PEAK1: variants seen among roughly 807,000 people sequenced by gnomAD.
The protein encoded by PEAK1 is pseudopodium enriched atypical kinase 1.
A neutral mutation model predicts 124.7 loss-of-function variants in PEAK1; 54 were observed. The ratio of observed to expected loss-of-function variants is 0.43; its 90% CI spans 0.35 to 0.54. PEAK1 has a LOEUF of 0.54. PEAK1 is among the 20% of genes least tolerant of loss of function. The pLI, the probability that PEAK1 is intolerant of heterozygous loss-of-function variation, is 0.01. For missense variants in PEAK1, 2,046 were observed against 2,134.5 expected, an observed-to-expected ratio of 0.96 and a Z score of 0.82; for synonymous variants, 719 against 760.0, an observed-to-expected ratio of 0.95 and a Z score of 0.89.
chr15:77,248,895 G>C (rs909297302), intron 6 of PEAK1, among the ~76,000 whole-genome samples: 10 of 152,210 alleles, frequency 6.6e-5, no homozygotes, highest in African/African-American at 2.2e-4. Context: ...TGCCATCTCG[G>C]CTCACCGCAG....
At chr15:77,149,256 C>T (rs2054397551) in intron 8 of PEAK1, among the ~76,000 whole-genome samples, 1 of 152,168 alleles carries the variant, frequency 6.6e-6, no homozygotes. Context: ...GAAACAAATT[C>T]CACAGTAAAA....
chr15:77,279,087 C>G (rs1439946450), intron 5 of PEAK1, among the ~76,000 whole-genome samples: 1 of 146,682 alleles, frequency 6.8e-6, no homozygotes, highest in Non-Finnish European at 1.5e-5. Flanking sequence ...CTCAGCCTCC[C>G]AAGGTGCTCG....
At chr15:77,165,527 T>C (rs1415453889) in intron 7 of PEAK1, among the ~76,000 whole-genome samples, 3 of 152,064 alleles carry the variant, frequency 2.0e-5, no homozygotes, top group Non-Finnish European at 4.4e-5. Context: ...GCCCCGGACT[T>C]TTTTTCCCTA....
At position 77,252,456 on chromosome 15, in the gene PEAK1, G is replaced by T. The variant is rs919217408; in HGVS notation, c.-204C>A. 2 of 984,614 alleles carry T rather than the reference G, an allele frequency of 2.0e-6. No homozygotes were observed. Among genetic ancestry groups the T allele is most frequent in the Admixed American group, 1.2e-4 (2 of 16,230 alleles). 61.0% of individuals were successfully genotyped at this position (984,614 alleles called of 1,614,324 possible). ...TTCCTTCCAAATTTCAAGGTGCTTT[G>T]GGTCTTTCCAAGATGAATGTCCTTT... is the stretch of plus-strand genomic sequence containing the variant. On this transcript the variant is annotated 5_prime_UTR_variant, in exon 6 of 10. Transcript: ENST00000682557.
chr15:77,419,560 G>A (rs1427252058), intron 1 of PEAK1: 1 of 985,068 alleles, frequency 1.0e-6, no homozygotes, highest in Non-Finnish European at 1.2e-6. Flanking sequence ...GCGGGAGCGG[G>A]CTGACCGTGT....
At chr15:77,172,452 C>T (rs554050019) in intron 7 of PEAK1, among the ~76,000 whole-genome samples, 1 of 152,286 alleles carries the variant, frequency 6.6e-6, no homozygotes, top group South Asian at 2.1e-4. Flanking sequence ...ATATCACTGA[C>T]AACAAATACA....
rs543025060 is a variant in PEAK1, at chr15:77,165,192, C to T, written c.3138-6496G>A. Among the ~76,000 whole-genome samples the T allele has an allele frequency of 4.2e-4, 64 of 151,006 alleles. 1 individual carries two copies. The highest frequency in any genetic ancestry group is 1.5e-3 in the African/African-American group (61 of 41,188). On this transcript the variant is annotated intron_variant, in intron 7 of 9. Transcript: ENST00000682557. Reference sequence around the variant, plus strand: ...TCGGGATTACAGGTGTGAGCCACTACGCCTGGCCTTTTTTTTTTTTTTTTT... The same window carrying T: ...TCGGGATTACAGGTGTGAGCCACTATGCCTGGCCTTTTTTTTTTTTTTTTT...
chr15:77,294,255 G>GT (rs2063370468), intron 2 of PEAK1, among the ~76,000 whole-genome samples: 1 of 152,068 alleles, frequency 6.6e-6, no homozygotes, highest in African/African-American at 2.4e-5. Context: ...TCTACTGAAT[G>GT]TATGAGTCTA....
intron 2 of PEAK1, among the ~76,000 whole-genome samples, chr15:77,362,068 C>T (rs930951568): frequency 6.6e-5 from 10 of 152,122 alleles, no homozygotes; most frequent in Admixed American, 5.9e-4. Context: ...TAAAAAATTA[C>T]CAATAGATAT....
At chr15:77,264,028 G>T (rs1364812245) in intron 5 of PEAK1, among the ~76,000 whole-genome samples, 8 of 152,128 alleles carry the variant, frequency 5.3e-5, no homozygotes, top group Non-Finnish European at 1.2e-4. Context: ...AATAGATGCA[G>T]AAAAGGCCTT....
intron 2 of PEAK1, among the ~76,000 whole-genome samples, chr15:77,364,880 C>T (rs2068117475): frequency 1.3e-5 from 2 of 152,120 alleles, no homozygotes; most frequent in Admixed American, 6.5e-5. Context: ...CCAATATATT[C>T]TCAAGTATAT....
intron 6 of PEAK1, among the ~76,000 whole-genome samples, chr15:77,193,264 A>G (rs1409677017): frequency 6.6e-6 from 1 of 152,240 alleles, no homozygotes; most frequent in Non-Finnish European, 1.5e-5. Flanking sequence ...AAAACTAGAC[A>G]AAGTAGGAAA....
intron 1 of PEAK1, among the ~76,000 whole-genome samples, chr15:77,393,577 C>T (rs1171761751): frequency 1.3e-5 from 2 of 152,162 alleles, no homozygotes; most frequent in East Asian, 1.9e-4. Flanking sequence ...TGGCAGGATG[C>T]ATCATCTGCT....
In PEAK1 at chr15:77,259,333, T is replaced by A. The variant is rs150419826; in HGVS notation, c.-274-6807A>T. Among the ~76,000 whole-genome samples the A allele has an allele frequency of 1.5e-3, 232 of 152,272 alleles. 5 individuals are homozygous for A. The East Asian group carries it at 0.038, about 25-fold the overall frequency. ...TTTTATATTTAAAATTAGTATCTCA[T>A]AATAGAGACAATTTTTATATTCTCA... On this transcript the variant is annotated intron_variant, in intron 5 of 9. Transcript: ENST00000682557.
chr15:77,115,057 T>G lies in PEAK1; in HGVS notation c.4340A>C (p.Asn1447Thr). The change falls in exon 10 of 10, where the codon AAT becomes ACT. Residue 1447 changes from asparagine (N) to threonine (T), a missense_variant. By Grantham distance (65) the Asn-to-Thr change is moderately conservative. Coordinates refer to ENST00000682557, the MANE Select transcript of PEAK1 (RefSeq NM_001385026.1). Reference protein sequence around the residue: ...CSEAASSQKENQGVMSKKQRS... With the variant: ...CSEAASSQKETQGVMSKKQRS... ...CTGCTTCTTGCTCATGACTCCCTGA[T>G]TCTCTTTCTGGGATGATGCTGCTTC... 6.2e-7 allele frequency: 1 copy of G among 1,614,184 alleles called. No homozygotes were observed. The highest frequency in any genetic ancestry group is 1.6e-4 in the Middle Eastern group (1 of 6,062).
intron 7 of PEAK1, among the ~76,000 whole-genome samples, chr15:77,159,222 T>C (rs1030084516): frequency 6.6e-6 from 1 of 152,164 alleles, no homozygotes; most frequent in African/African-American, 2.4e-5. Flanking sequence ...ATTGTTTTAG[T>C]AGGTACACTG....
At chr15:77,170,142 AT>A (rs1323900504) in intron 7 of PEAK1, among the ~76,000 whole-genome samples, 2 of 152,146 alleles carry the variant, frequency 1.3e-5, no homozygotes, top group South Asian at 2.1e-4. Flanking sequence ...CTTCAAGATA[AT>A]GGGGGGAAGT....
chr15:77,147,189 A>T (rs1442303735), intron 8 of PEAK1, among the ~76,000 whole-genome samples: 1 of 152,250 alleles, frequency 6.6e-6, no homozygotes, highest in Non-Finnish European at 1.5e-5. Flanking sequence ...AATGGAGCAC[A>T]TAGACTTGAA....
chr15:77,224,596 T>C (rs915116028), intron 6 of PEAK1, among the ~76,000 whole-genome samples: 1 of 152,034 alleles, frequency 6.6e-6, no homozygotes, highest in African/African-American at 2.4e-5. Flanking sequence ...GCAACTCCTA[T>C]AGAGACACTT....
Sources: allele counts gnomAD v4.1 joint callset (sites outside exome capture counted in the v4.1 genomes callset), GRCh38; gene constraint gnomAD v4.1.1; transcripts MANE v1.5; gene names NCBI Gene and HGNC (gene_info 2026-07-23, HGNC 2026-07-21).